The following AOPEP variants were observed in gnomAD, a reference collection of about 807,000 sequenced individuals.
AOPEP encodes the protein aminopeptidase O.
AOPEP carries 77 observed loss-of-function variants against 98.1 expected under a neutral mutation model. The observed-to-expected ratio is 0.78, with a 90% CI of 0.65 to 0.95. The LOEUF (loss-of-function observed/expected upper bound fraction) is 0.95, where lower values mean the gene tolerates loss of function less well. AOPEP is among the 40% of genes least tolerant of loss of function. The pLI, the probability that AOPEP is intolerant of heterozygous loss-of-function variation, is 0.00. For synonymous variants in AOPEP, 346 were observed against 365.3 expected (o/e 0.95, Z 0.60); for missense variants, 1,024 against 1,024.7 (o/e 1.00, Z 0.01).
chr9:94,838,439 C>T (rs989649846), intron 5 of AOPEP, among the ~76,000 whole-genome samples: 7 of 152,162 alleles, frequency 4.6e-5, no homozygotes, highest in Non-Finnish European at 1.0e-4. Flanking sequence ...TCATCTCTTC[C>T]ATTGATTTCT....
At chr9:95,002,647 C>T (rs1230193234) in intron 11 of AOPEP, among the ~76,000 whole-genome samples, 1 of 152,132 alleles carries the variant, frequency 6.6e-6, no homozygotes, top group Non-Finnish European at 1.5e-5. Context: ...AGGAAATAAA[C>T]AGAATGTTAT....
At chr9:94,958,703 G>A (rs1471284349) in intron 9 of AOPEP, among the ~76,000 whole-genome samples, 2 of 152,118 alleles carry the variant, frequency 1.3e-5, no homozygotes, top group Non-Finnish European at 2.9e-5. Context: ...TGTTTATTCA[G>A]ATTATTTGCT....
At chr9:95,028,190 T>C (rs933355103) in intron 13 of AOPEP, among the ~76,000 whole-genome samples, 3 of 152,254 alleles carry the variant, frequency 2.0e-5, no homozygotes, top group Admixed American at 6.5e-5. Flanking sequence ...GGGTCTGATA[T>C]CTGAATAAAC....
chr9:94,878,892 G>T (rs952548666), intron 5 of AOPEP, among the ~76,000 whole-genome samples: 13 of 152,224 alleles, frequency 8.5e-5, no homozygotes, highest in Admixed American at 5.9e-4. Flanking sequence ...AGTAATTCAC[G>T]CAGAGCTGGC....
intron 11 of AOPEP, among the ~76,000 whole-genome samples, chr9:94,987,963 C>G (rs77658626): frequency 6.6e-6 from 1 of 152,240 alleles, no homozygotes; most frequent in East Asian, 1.9e-4. Context: ...GGTGGGTCAG[C>G]AGCCTTGCCT....
At chr9:94,755,315 C>T (rs1836759095) in intron 1 of AOPEP, among the ~76,000 whole-genome samples, 1 of 152,144 alleles carries the variant, frequency 6.6e-6, no homozygotes, top group Non-Finnish European at 1.5e-5. Context: ...TGAGAGAGGC[C>T]TTGCAAGGTG....
At chr9:95,091,504 G>A (rs1587996561), downstream of AOPEP, among the ~76,000 whole-genome samples, 1 of 152,300 alleles carries the variant, frequency 6.6e-6, no homozygotes, top group East Asian at 1.9e-4. Context: ...GACAGTCACT[G>A]TATAGGGGCA....
the AOPEP span, among the ~76,000 whole-genome samples, chr9:95,120,460 G>C: frequency 4.0e-5 from 6 of 151,020 alleles, no homozygotes; most frequent in African/African-American, 1.5e-4. Context: ...TGTCTTCCAG[G>C]CTGGAGTGCA....
chr9:94,882,149 A>T (rs1453305883), intron 5 of AOPEP, among the ~76,000 whole-genome samples: 1 of 152,212 alleles, frequency 6.6e-6, no homozygotes. Flanking sequence ...TTTGTAAGAC[A>T]TCTGTCCAAC....
At chr9:95,060,630 CA>C in intron 13 of AOPEP, 63 bp from the exon 14 acceptor site, 1 of 1,061,064 alleles carries the variant, frequency 9.4e-7, no homozygotes, top group African/African-American at 1.6e-5. Context: ...TCAGTCTGAA[CA>C]TTTGGGTGTT....
intron 12 of AOPEP, 145 bp downstream of exon 12, chr9:95,005,365 G>A (rs2061921294): frequency 4.0e-6 from 3 of 750,768 alleles, no homozygotes; most frequent in Admixed American, 4.1e-5. Context: ...CGGCCGTGAC[G>A]AAGGTCGCGG....
intron 1 of AOPEP, among the ~76,000 whole-genome samples, chr9:94,741,965 G>T (rs2131961257): frequency 6.6e-6 from 1 of 152,328 alleles, no homozygotes; most frequent in Middle Eastern, 3.4e-3. Flanking sequence ...CAGCACTAGA[G>T]TGCAGTCACA....
intron 4 of AOPEP, among the ~76,000 whole-genome samples, chr9:94,798,266 C>T (rs969336922): frequency 1.3e-5 from 2 of 152,188 alleles, no homozygotes; most frequent in African/African-American, 2.4e-5. Flanking sequence ...CCTTAAAGTC[C>T]TGCATTTTTT....
At chr9:95,085,346 G>C (rs1446956385) in intron 16 of AOPEP, 1 of 485,852 alleles carries the variant, frequency 2.1e-6, no homozygotes, top group Admixed American at 2.2e-5. Context: ...GCAGATTGGA[G>C]AACAGGTGCA....
chr9:94,797,974 G>T (rs1429436981), intron 4 of AOPEP, among the ~76,000 whole-genome samples: 1 of 152,086 alleles, frequency 6.6e-6, no homozygotes, highest in East Asian at 1.9e-4. Context: ...AAAGTGCTGG[G>T]ATTACAGGCA....
chr9:94,893,544 T>A (rs1275027281), intron 5 of AOPEP, among the ~76,000 whole-genome samples: 2 of 152,208 alleles, frequency 1.3e-5, no homozygotes, highest in Admixed American at 1.3e-4. Context: ...TCCTGTTCTT[T>A]CTTATTGGCT....
intron 7 of AOPEP, among the ~76,000 whole-genome samples, chr9:94,938,383 AAGAT>A (rs1193750577): frequency 6.6e-6 from 1 of 152,218 alleles, no homozygotes; most frequent in East Asian, 1.9e-4. Flanking sequence ...TACTGGTCCC[AAGAT>A]AGATAGGTAA....
intron 13 of AOPEP, among the ~76,000 whole-genome samples, chr9:95,028,799 C>T (rs948381493): frequency 6.6e-6 from 1 of 152,202 alleles, no homozygotes; most frequent in Non-Finnish European, 1.5e-5. Context: ...CATATTAATG[C>T]TTTATAACTC....
chr9:94,772,918 T>C, intron 2 of AOPEP, 84 bp from the exon 3 acceptor site: 1 of 1,301,492 alleles, frequency 7.7e-7, no homozygotes, highest in Non-Finnish European at 1.0e-6. Context: ...AAGCTCAACT[T>C]AACCTGCACT....
Sources: gnomAD v4.1 joint callset for allele counts (sites outside exome capture counted in the v4.1 genomes callset) on GRCh38, gnomAD v4.1.1 for gene constraint, MANE v1.5 for transcripts, NCBI Gene and HGNC (gene_info 2026-07-23, HGNC 2026-07-21) for gene names.